Variants in NTRK3 observed in about 807,000 individuals in gnomAD.
NTRK3 encodes the protein NT-3 growth factor receptor.
Under a neutral mutation model 91.7 loss-of-function variants are expected in NTRK3, and 24 were observed. The observed-to-expected ratio is 0.26, with a 90% CI of 0.19 to 0.37. The LOEUF is 0.37. NTRK3 is among the 10% of genes least tolerant of loss of function. The pLI, the probability that NTRK3 is intolerant of heterozygous loss-of-function variation, is 1.00. For missense variants in NTRK3, 880 were observed against 1,068.9 expected, an observed-to-expected ratio of 0.82 and a Z score of 2.46; for synonymous variants, 483 against 404.0, an observed-to-expected ratio of 1.20 and a Z score of -2.34.
chr15:88,108,502 G>T (rs889485191), intron 13 of NTRK3, among the ~76,000 whole-genome samples: 1 of 152,134 alleles, frequency 6.6e-6, no homozygotes, highest in Non-Finnish European at 1.5e-5. Context: ...CTCACTCCAT[G>T]CTCCCTGTGA....
chr15:88,172,805 A>T (rs546341120), intron 5 of NTRK3, among the ~76,000 whole-genome samples: 33 of 152,282 alleles, frequency 2.2e-4, no homozygotes, highest in Admixed American at 1.9e-3. Flanking sequence ...TAATCTCAGG[A>T]CCACAGGGCG....
At chr15:88,172,244 C>G (rs1159088035) in intron 5 of NTRK3, among the ~76,000 whole-genome samples, 1 of 152,200 alleles carries the variant, frequency 6.6e-6, no homozygotes, top group Non-Finnish European at 1.5e-5. Flanking sequence ...GAGACACAAA[C>G]CTGTTAGCCT....
chr15:88,228,551 C>G (rs936966767), intron 3 of NTRK3, among the ~76,000 whole-genome samples: 2 of 152,170 alleles, frequency 1.3e-5, no homozygotes, highest in African/African-American at 2.4e-5. Context: ...AGTTGTGACC[C>G]ACCACTCAGA....
intron 3 of NTRK3, among the ~76,000 whole-genome samples, chr15:88,201,969 C>A (rs1166372161): frequency 6.6e-6 from 1 of 152,022 alleles, no homozygotes; most frequent in Non-Finnish European, 1.5e-5. Context: ...TCCCTCATTT[C>A]TTTGTCATAG....
At chr15:88,254,852 T>C (rs2053841962) in intron 3 of NTRK3, among the ~76,000 whole-genome samples, 1 of 152,038 alleles carries the variant, frequency 6.6e-6, no homozygotes, top group Non-Finnish European at 1.5e-5. Flanking sequence ...GCAATTCCAG[T>C]ATGGTCCACA....
intron 13 of NTRK3, among the ~76,000 whole-genome samples, chr15:88,105,983 T>C (rs1006182055): frequency 2.0e-5 from 3 of 152,264 alleles, no homozygotes; most frequent in Non-Finnish European, 4.4e-5. Context: ...GCCCAGAGTG[T>C]TCACCCGTAG....
At chr15:87,971,792 C>T (rs2073275182) in intron 14 of NTRK3, among the ~76,000 whole-genome samples, 1 of 152,206 alleles carries the variant, frequency 6.6e-6, no homozygotes, top group South Asian at 2.1e-4. Context: ...TAGACCTGCC[C>T]CATCCCTAGA....
intron 14 of NTRK3, among the ~76,000 whole-genome samples, chr15:87,974,891 G>A (rs1025045553): frequency 6.6e-6 from 1 of 152,160 alleles, no homozygotes. Context: ...GTTGGAGGGG[G>A]GAGCACCTAG....
chr15:88,204,848 C>T (rs567616768), intron 3 of NTRK3, among the ~76,000 whole-genome samples: 1 of 152,294 alleles, frequency 6.6e-6, no homozygotes, highest in East Asian at 1.9e-4. Flanking sequence ...CAGGTGTCAC[C>T]TCTCAGCAGA....
At position 88,150,690 on chromosome 15, in the gene NTRK3, A is replaced by G. The variant is rs528743174; in HGVS notation, c.396-3287T>C. On this transcript the variant is annotated intron_variant, in intron 5 of 18. Coordinates refer to ENST00000394480, the Ensembl canonical transcript of NTRK3. ...TTCAGGGAGGGTTGCAGTGTGCACA[A>G]CCCTTGCAACTGTACACAATGCCCT... 8.5e-5 allele frequency among the ~76,000 whole-genome samples: 13 copies of G among 152,184 alleles called. No individual in the cohort carries two copies. The East Asian group carries it at 1.9e-3, about 23-fold the overall frequency.
intron 3 of NTRK3, among the ~76,000 whole-genome samples, chr15:88,188,997 A>G (rs116510710): frequency 5.5e-4 from 84 of 152,128 alleles, no homozygotes; most frequent in African/African-American, 2.0e-3. Context: ...CAGAGCCACT[A>G]CTCTGCCAAG....
intron 5 of NTRK3, among the ~76,000 whole-genome samples, chr15:88,170,511 G>A (rs996772761): frequency 1.3e-5 from 2 of 152,188 alleles, no homozygotes; most frequent in Non-Finnish European, 2.9e-5. Context: ...TGTTCACTCT[G>A]TCCTCACAAT....
At position 88,233,532 on chromosome 15, in the gene NTRK3, T is replaced by C. The variant is rs1343499251; in HGVS notation, c.248+22374A>G. On this transcript the variant is annotated intron_variant, in intron 3 of 18. Coordinates refer to ENST00000394480, the Ensembl canonical transcript of NTRK3. This position sits in a 1 kb window ranked among gnomAD's most constrained non-coding sequence, Gnocchi z 4.2. ...TCCCAAGACCCTCTAATCCCCCAGC[T>C]GCAGAGACTCCCCCAAGGACTTCCT... is the stretch of plus-strand genomic sequence containing the variant. Among the ~76,000 whole-genome samples, 1 of 152,152 alleles carries C rather than the reference T, an allele frequency of 6.6e-6. No individual in the cohort carries two copies. The highest frequency in any genetic ancestry group is 6.5e-5 in the Admixed American group (1 of 15,278).
rs79315853 is a variant in NTRK3 at position 88,061,749 on chromosome 15, C to T, written c.1397-28704G>A. Among the ~76,000 whole-genome samples, 45 of 152,314 alleles carry T rather than the reference C, an allele frequency of 3.0e-4. No individual in the cohort carries two copies. In the East Asian group the frequency reaches 8.1e-3, roughly 27 times the overall value. Reference sequence around the variant, plus strand: ...AGGGCCCGGAGGCTCCGTTCTGGAACCCTTTCTTAGAGTCCCCTGTGAGGC... The same window carrying T: ...AGGGCCCGGAGGCTCCGTTCTGGAATCCTTTCTTAGAGTCCCCTGTGAGGC... On this transcript the variant is annotated intron_variant, in intron 13 of 18. Transcript: ENST00000394480.
intron 5 of NTRK3, among the ~76,000 whole-genome samples, chr15:88,175,895 G>A (rs908408800): frequency 3.9e-5 from 6 of 152,198 alleles, no homozygotes; most frequent in South Asian, 2.1e-4. Context: ...ACTACTTATC[G>A]AAATAACCAA....
At chr15:88,135,453 G>A in intron 9 of NTRK3, 56 bp from the exon 10 acceptor site, 1 of 1,576,188 alleles carries the variant, frequency 6.3e-7, no homozygotes, top group Non-Finnish European at 8.6e-7. Flanking sequence ...ACCTCCTGCA[G>A]TAGCCTTCCA....
intron 14 of NTRK3, among the ~76,000 whole-genome samples, chr15:87,983,485 G>A (rs371781577): frequency 2.6e-4 from 40 of 152,234 alleles, no homozygotes; most frequent in African/African-American, 9.4e-4. Flanking sequence ...TGATAGCCCT[G>A]GAATCCATAG....
At chr15:88,000,220 T>A (rs1400370994) in intron 14 of NTRK3, among the ~76,000 whole-genome samples, 1 of 152,150 alleles carries the variant, frequency 6.6e-6, no homozygotes, top group Non-Finnish European at 1.5e-5. Context: ...TCGACATATG[T>A]CCATACTAGT....
intron 3 of NTRK3, among the ~76,000 whole-genome samples, chr15:88,219,931 C>T (rs1376260114): frequency 1.3e-5 from 2 of 152,170 alleles, no homozygotes; most frequent in Non-Finnish European, 2.9e-5. Context: ...GAAGAACTTG[C>T]ATCCAAACCC....
Sources: gnomAD v4.1 joint callset for allele counts (sites outside exome capture counted in the v4.1 genomes callset) on GRCh38, gnomAD v4.1.1 for gene constraint, Gnocchi (gnomAD v3.1) non-coding constraint, MANE v1.5 for transcripts, NCBI Gene and HGNC (gene_info 2026-07-23, HGNC 2026-07-21) for gene names.